Variants in SLC6A18 observed in about 807,000 individuals in gnomAD.
SLC6A18 encodes inactive sodium-dependent neutral amino acid transporter B(0)AT3.
A neutral mutation model predicts 62.9 loss-of-function variants in SLC6A18; 58 were observed. The ratio of observed to expected loss-of-function variants is 0.92; its 90% CI spans 0.75 to 1.15. SLC6A18 has a LOEUF of 1.15. Ranked by LOEUF, SLC6A18 falls within the 50% of genes most tolerant of loss-of-function variation. The probability of loss-of-function intolerance (pLI) is 0.00; values close to 1 mark genes in which losing one functional copy is unlikely to be tolerated. For synonymous variants in SLC6A18, 382 were observed against 365.8 expected (o/e 1.04, Z -0.51); for missense variants, 793 against 836.6 (o/e 0.95, Z 0.64).
intron 1 of SLC6A18, among the ~76,000 whole-genome samples, chr5:1,229,833 G>C (rs1746677375): frequency 6.6e-6 from 1 of 151,270 alleles, no homozygotes; most frequent in Non-Finnish European, 1.5e-5. Context: ...GGAAAGGTAA[G>C]AGGGGCTCTC....
At position 1,244,602 on chromosome 5, in the gene SLC6A18, G is replaced by C. The variant is rs761509633; in HGVS notation, c.1497-6G>C. The C allele has an allele frequency of 6.3e-7, 1 of 1,590,040 alleles. No homozygotes were observed. Among genetic ancestry groups the C allele is most frequent in the Non-Finnish European group, 8.6e-7 (1 of 1,164,468 alleles). ...ATGTGAAGCCTGAGCCCAGCATCTG[G>C]TGCAGGTTCTGCGATGACATTGCGT... is the stretch of plus-strand genomic sequence containing the variant. On this transcript the variant is annotated splice_polypyrimidine_tract_variant and splice_region_variant and intron_variant, in intron 10 of 11. Transcript: ENST00000324642.
At chr5:1,235,943 T>G (rs1746873268) in intron 4 of SLC6A18, among the ~76,000 whole-genome samples, 1 of 152,242 alleles carries the variant, frequency 6.6e-6, no homozygotes, top group Non-Finnish European at 1.5e-5. Flanking sequence ...CTTTTTCTTT[T>G]AAACTTTTTG....
Position 1,246,145 on chromosome 5 carries a change from C to A in SLC6A18, c.*67C>A. On this transcript the variant is annotated 3_prime_UTR_variant, in exon 12 of 12. Coordinates refer to ENST00000324642, the MANE Select transcript of SLC6A18 (RefSeq NM_182632.3). Reference sequence around the variant, plus strand: ...GGCTTGGCCTGATGGTGGGCGGGGCCCCGCCCACAGGGCCGACCCCAATAC... The same window carrying A: ...GGCTTGGCCTGATGGTGGGCGGGGCACCGCCCACAGGGCCGACCCCAATAC... The A allele has an allele frequency of 1.3e-6, 2 of 1,487,960 alleles. No homozygotes were observed. Among genetic ancestry groups the A allele is most frequent in the Non-Finnish European group, 8.9e-7 (1 of 1,125,288 alleles). The allele number at this position is 1,487,960 out of a possible 1,614,324, so 92.2% of individuals were successfully genotyped here. A position where few individuals can be genotyped will look rare whatever the true frequency, so the allele number is the denominator to read the frequency against.
chr5:1,233,925 T>C (rs968662531), intron 3 of SLC6A18, among the ~76,000 whole-genome samples: 1 of 152,062 alleles, frequency 6.6e-6, no homozygotes, highest in African/African-American at 2.4e-5. Context: ...GTATTTTTAG[T>C]AGAGACGGGG....
intron 1 of SLC6A18, among the ~76,000 whole-genome samples, chr5:1,228,586 C>T (rs1182658469): frequency 6.6e-6 from 1 of 152,266 alleles, no homozygotes; most frequent in Non-Finnish European, 1.5e-5. Flanking sequence ...CGTTCACAGC[C>T]ACCTTTCCCG....
intron 3 of SLC6A18, among the ~76,000 whole-genome samples, chr5:1,233,826 C>T (rs1026871900): frequency 4.6e-5 from 7 of 151,774 alleles, no homozygotes; most frequent in African/African-American, 1.7e-4. Context: ...ACTGCAAGCT[C>T]TGCCTCCCAG....
chr5:1,243,809 T>A lies in SLC6A18; in HGVS notation c.1336+50T>A. 1 of 1,511,980 alleles carries A rather than the reference T, an allele frequency of 6.6e-7. No individual in the cohort carries two copies. Among genetic ancestry groups the A allele is most frequent in the Non-Finnish European group, 8.9e-7 (1 of 1,122,338 alleles). 93.7% of individuals were successfully genotyped at this position (1,511,980 alleles called of 1,614,324 possible). On this transcript the variant is annotated intron_variant, in intron 9 of 11. Coordinates refer to ENST00000324642, the MANE Select transcript of SLC6A18 (RefSeq NM_182632.3). This position sits in a 1 kb window ranked among gnomAD's most constrained non-coding sequence, Gnocchi z 6.5. Reference sequence around the variant, plus strand: ...GGAGGACCCGTCCCCAGCATCTGACTGTCCACTCCCGCCCGCTGTCCAGAC... The same window carrying A: ...GGAGGACCCGTCCCCAGCATCTGACAGTCCACTCCCGCCCGCTGTCCAGAC...
intron 1 of SLC6A18, among the ~76,000 whole-genome samples, chr5:1,227,266 T>A (rs1243758585): frequency 6.6e-6 from 1 of 152,068 alleles, no homozygotes; most frequent in Admixed American, 6.6e-5. Flanking sequence ...ACTCAGCTGC[T>A]CCACGCTGGG....
rs1746766895 is a variant in SLC6A18, at chr5:1,232,773, CT to C, written c.326del (p.Phe109SerfsTer2). 2 of 1,613,328 alleles carry C rather than the reference CT, an allele frequency of 1.2e-6. No homozygotes were observed. The highest frequency in any genetic ancestry group is 1.7e-6 in the Non-Finnish European group (2 of 1,179,958). On this transcript the variant is annotated frameshift_variant, in exon 3 of 12. Transcript: ENST00000324642. LOFTEE classifies it high-confidence loss of function. ...CAGGGCTGGGCTGTGTCACGCTGTC[CT>C]TCCTGATCAGCCTGTACTACAACAC... is the stretch of plus-strand genomic sequence containing the variant. ...GVGLGCVTLS[F>X]LISLYYNTIV... is the part of the protein sequence containing the mutation.
Position 1,232,991 on chromosome 5 carries a change from C to T in SLC6A18, c.439+103C>T, listed in dbSNP as rs190616478. On this transcript the variant is annotated intron_variant, in intron 3 of 11. Coordinates refer to ENST00000324642, the MANE Select transcript of SLC6A18 (RefSeq NM_182632.3). ...GCAGCTGCGGGTGGCGGATGCTCACCGCGGGGGGAGGGCCGGGGAACCGGT... is the reference window on the plus strand; with the variant it reads ...GCAGCTGCGGGTGGCGGATGCTCACTGCGGGGGGAGGGCCGGGGAACCGGT... 4.8e-5 allele frequency: 72 copies of T among 1,486,654 alleles called. 1 individual carries two copies. Among genetic ancestry groups the T allele is most frequent in the South Asian group, 4.3e-4 (32 of 74,744 alleles). The allele number at this position is 1,486,654 out of a possible 1,614,324, so 92.1% of individuals were successfully genotyped here. A position where few individuals can be genotyped will look rare whatever the true frequency, so the allele number is the denominator to read the frequency against.
Position 1,244,276 on chromosome 5 carries a change from T to C in SLC6A18, c.1399T>C (p.Trp467Arg), listed in dbSNP as rs774626230. The change falls in exon 10 of 12, where the codon TGG becomes CGG. Residue 467 changes from tryptophan to arginine, a missense_variant. Coordinates refer to ENST00000324642, the MANE Select transcript of SLC6A18 (RefSeq NM_182632.3). ...TCFTLQSGNY[W>R]LEIFDNFAAS... ...CTTCACGCTGCAGTCTGGGAACTACTGGCTGGAGATTTTCGACAATTTTGC... is the reference window on the plus strand; with the variant it reads ...CTTCACGCTGCAGTCTGGGAACTACCGGCTGGAGATTTTCGACAATTTTGC... The C allele has an allele frequency of 1.2e-6, 2 of 1,612,340 alleles. No homozygotes were observed. Among genetic ancestry groups the C allele is most frequent in the African/African-American group, 1.3e-5 (1 of 74,924 alleles).
intron 9 of SLC6A18, 28 bp from the exon 10 acceptor site, chr5:1,244,186 C>A (rs762331659): frequency 6.5e-6 from 7 of 1,070,992 alleles, no homozygotes; most frequent in Non-Finnish European, 8.4e-6. Flanking sequence ...ATCCCCTTAC[C>A]CCCCACACCC....
At chr5:1,244,489 G>A (rs1208447981) in intron 10 of SLC6A18, 116 bp downstream of exon 10, 1 of 1,551,386 alleles carries the variant, frequency 6.4e-7, no homozygotes, top group African/African-American at 1.4e-5. Flanking sequence ...GTTCTGCCCT[G>A]GGGAGCTGCC....
Position 1,232,331 on chromosome 5 carries a change from G to T in SLC6A18, c.273G>T (p.Thr91=), listed in dbSNP as rs781591952. The change falls in exon 2 of 12, where the codon ACG becomes ACT. Residue 91 remains threonine, a synonymous_variant. Coordinates refer to ENST00000324642, the MANE Select transcript of SLC6A18 (RefSeq NM_182632.3). The part of the protein sequence containing the change: ...RLRKGSVGVW[T]AISPYLSGVG... Reference sequence around the variant, plus strand: ...GGAAGGGCAGCGTCGGCGTGTGGACGGCCATCTCCCCGTACCTCAGTGGAG... The same window carrying T: ...GGAAGGGCAGCGTCGGCGTGTGGACTGCCATCTCCCCGTACCTCAGTGGAG... 1.2e-6 allele frequency: 2 copies of T among 1,611,694 alleles called. No individual in the cohort carries two copies. Among genetic ancestry groups the T allele is most frequent in the Non-Finnish European group, 1.7e-6 (2 of 1,179,694 alleles).
intron 1 of SLC6A18, among the ~76,000 whole-genome samples, chr5:1,229,299 C>A (rs989554405): frequency 1.3e-5 from 2 of 152,148 alleles, no homozygotes; most frequent in African/African-American, 4.8e-5. Context: ...CTCCTCTCCC[C>A]TAAACACAGA....
chr5:1,225,770 T>G, intron 1 of SLC6A18, 133 bp downstream of exon 1: 1 of 1,110,656 alleles, frequency 9.0e-7, no homozygotes, highest in Admixed American at 2.8e-5. Flanking sequence ...GGGTGCACCA[T>G]TGCCCACGGC....
intron 1 of SLC6A18, among the ~76,000 whole-genome samples, chr5:1,226,189 G>A (rs931720774): frequency 2.0e-5 from 3 of 152,148 alleles, no homozygotes; most frequent in African/African-American, 7.2e-5. Context: ...GGTGACTTTA[G>A]TGACCTTGGA....
In SLC6A18 at chr5:1,243,107, C is replaced by T. The variant is rs547141173; in HGVS notation, c.1131+244C>T. ...AGCAGTCTTGGGGGTTGGGCTGACC[C>T]GAGAGAGTGGGCATTGCTGGTGCCC... On this transcript the variant is annotated intron_variant, in intron 8 of 11. Coordinates refer to ENST00000324642, the MANE Select transcript of SLC6A18 (RefSeq NM_182632.3). This position sits in a 1 kb window ranked among gnomAD's most constrained non-coding sequence, Gnocchi z 6.5. 2.0e-5 allele frequency among the ~76,000 whole-genome samples: 3 copies of T among 152,180 alleles called. No individual in the cohort carries two copies. Among genetic ancestry groups the T allele is most frequent in the Non-Finnish European group, 2.9e-5 (2 of 68,024 alleles).
intron 1 of SLC6A18, among the ~76,000 whole-genome samples, chr5:1,226,973 C>CGCCTTGCCCACCGAA (rs1746591060): frequency 9.8e-6 from 1 of 101,930 alleles, no homozygotes; most frequent in Non-Finnish European, 2.1e-5. Context: ...TGCCCACCGA[C>CGCCTTGCCCACCGAA]GCCTTGCCCA....
Sources: allele counts gnomAD v4.1 joint callset (sites outside exome capture counted in the v4.1 genomes callset), GRCh38; gene constraint gnomAD v4.1.1; non-coding constraint Gnocchi (gnomAD v3.1); transcripts MANE v1.5; gene names NCBI Gene and HGNC (gene_info 2026-07-23, HGNC 2026-07-21).